The following PCDHGA9 variants were observed in gnomAD, a reference collection of about 807,000 sequenced individuals.
PCDHGA9 encodes the protein protocadherin gamma-A9.
A neutral mutation model predicts 62.5 loss-of-function variants in PCDHGA9; 37 were observed. The ratio of observed to expected loss-of-function variants is 0.59; its 90% CI spans 0.46 to 0.78. PCDHGA9 has a LOEUF of 0.78. Ranked by LOEUF, PCDHGA9 falls within the 30% of genes least tolerant of loss-of-function variation. The probability of loss-of-function intolerance (pLI) is 0.00; values close to 1 mark genes in which losing one functional copy is unlikely to be tolerated. For synonymous variants in PCDHGA9, 459 were observed against 484.6 expected (o/e 0.95, Z 0.69); for missense variants, 1,138 against 1,166.2 (o/e 0.98, Z 0.35).
chr5:141,459,613 C>A (rs1040874685), intron 1 of PCDHGA9, among the ~76,000 whole-genome samples: 1 of 152,188 alleles, frequency 6.6e-6, no homozygotes, highest in African/African-American at 2.4e-5. Context: ...ATATGCTTAA[C>A]TTTATAAGAA....
In PCDHGA9 at chr5:141,459,352, C is replaced by T. The variant is rs111826527; in HGVS notation, c.2425-35455C>T. On this transcript the variant is annotated intron_variant, in intron 1 of 3. Coordinates refer to ENST00000573521, the MANE Select transcript of PCDHGA9 (RefSeq NM_018921.3). Reference sequence around the variant, plus strand: ...TACTCCAAAGTTCTTGAAATTCATTCATGTTCCTGTGTGTATCAGCAGCGT... The same window carrying T: ...TACTCCAAAGTTCTTGAAATTCATTTATGTTCCTGTGTGTATCAGCAGCGT... 1.4e-4 allele frequency among the ~76,000 whole-genome samples: 21 copies of T among 152,304 alleles called. No homozygotes were observed. The East Asian group carries it at 3.7e-3, about 27-fold the overall frequency.
Position 141,404,894 on chromosome 5 carries a change from G to C in PCDHGA9, c.1942G>C (p.Asp648His), listed in dbSNP as rs772084097. Residue 648 changes from aspartate (D) to histidine (H), a missense_variant, in exon 1 of 4, where the codon GAC (aspartate) becomes CAC (histidine). By Grantham distance (81) the Asp-to-His change is moderately conservative. Coordinates refer to ENST00000573521, the MANE Select transcript of PCDHGA9 (RefSeq NM_018921.3). ...LKQSLVVAVQ[D>H]HGQPPLSATV... ...ACAGAGCCTTGTGGTGGCTGTACAG[G>C]ACCATGGCCAGCCCCCTCTCTCGGC... 1 of 1,613,878 alleles carries C rather than the reference G, an allele frequency of 6.2e-7. No individual in the cohort carries two copies. The highest frequency in any genetic ancestry group is 1.1e-5 in the South Asian group (1 of 91,084).
At chr5:141,504,303 G>A (rs1157625808) in intron 2 of PCDHGA9, among the ~76,000 whole-genome samples, 4 of 151,938 alleles carry the variant, frequency 2.6e-5, no homozygotes, top group Admixed American at 2.6e-4. Context: ...TTCAACACTC[G>A]GAGTTTCTAA....
rs201006002 is a variant in PCDHGA9, at chr5:141,432,497, C to G, written c.2424+27121C>G. Reference sequence around the variant, plus strand: ...TTCCACTGGCGTGGAGCTGGCTCCCCGCTCCGCAGAGCCCGGCTACCTGGT... The same window carrying G: ...TTCCACTGGCGTGGAGCTGGCTCCCGGCTCCGCAGAGCCCGGCTACCTGGT... On this transcript the variant is annotated intron_variant, in intron 1 of 3. Transcript: ENST00000573521. This position sits in a 1 kb window ranked among gnomAD's most constrained non-coding sequence, Gnocchi z 6.0. The G allele has an allele frequency of 1.1e-5, 18 of 1,614,182 alleles. No homozygotes were observed. In the East Asian group the frequency reaches 4.0e-4, roughly 36 times the overall value.
intron 1 of PCDHGA9, among the ~76,000 whole-genome samples, chr5:141,481,250 C>A (rs1160186962): frequency 2.6e-5 from 4 of 152,144 alleles, no homozygotes; most frequent in Non-Finnish European, 5.9e-5. Context: ...TAGCATAGCT[C>A]TAAAAGATCA....
At position 141,477,626 on chromosome 5, in the gene PCDHGA9, G is replaced by A. The variant is rs201987467; in HGVS notation, c.2425-17181G>A. The A allele has an allele frequency of 1.9e-5, 31 of 1,614,052 alleles. No individual in the cohort carries two copies. The highest frequency in any genetic ancestry group is 2.5e-5 in the Non-Finnish European group (30 of 1,180,044). Reference sequence around the variant, plus strand: ...TCTCTTGGAGCAAGGAGCTGAAACCGGGCTAGTGGGTCGCTATTTCACAAT... The same window carrying A: ...TCTCTTGGAGCAAGGAGCTGAAACCAGGCTAGTGGGTCGCTATTTCACAAT... On this transcript the variant is annotated intron_variant, in intron 1 of 3. Transcript: ENST00000573521. This position sits in a 1 kb window ranked among gnomAD's most constrained non-coding sequence, Gnocchi z 4.9.
rs773174763 is a variant in PCDHGA9 at position 141,477,409 on chromosome 5, C to T, written c.2425-17398C>T. The T allele has an allele frequency of 1.4e-5, 22 of 1,614,058 alleles. No homozygotes were observed. The highest frequency in any genetic ancestry group is 1.7e-5 in the Admixed American group (1 of 60,006). On this transcript the variant is annotated intron_variant, in intron 1 of 3. Transcript: ENST00000573521. This position sits in a 1 kb window ranked among gnomAD's most constrained non-coding sequence, Gnocchi z 4.9. ...ACAACCTCAGCATCACCGCCCGAGA[C>T]GCCGGAACCCCTTCCCTCTCAGCCC...
At chr5:141,414,312 C>T in intron 1 of PCDHGA9, 1 of 1,613,724 alleles carries the variant, frequency 6.2e-7, no homozygotes, top group South Asian at 1.1e-5. Context: ...ATGATTTAGA[C>T]TCTGAGCAGA....
chr5:141,451,806 A>G (rs145650418), intron 1 of PCDHGA9, among the ~76,000 whole-genome samples: 6,855 of 150,824 alleles, frequency 0.045, 259 homozygotes, highest in African/African-American at 0.1. Context: ...GCTTGAACCC[A>G]GGAGGCGGAG....
chr5:141,497,187 G>T (rs1475463841), intron 2 of PCDHGA9, among the ~76,000 whole-genome samples: 2 of 139,586 alleles, frequency 1.4e-5, no homozygotes, highest in Non-Finnish European at 3.0e-5. Flanking sequence ...GTTCTGAGAG[G>T]CAGAGAACAA....
Position 141,405,320 on chromosome 5 carries a change from C to G in PCDHGA9, c.2368C>G (p.Pro790Ala). The change falls in exon 1 of 4, where the codon CCT (proline) becomes GCT (alanine). Residue 790 changes from proline (P) to alanine (A), a missense_variant. Pro to Ala is a conservative substitution (Grantham distance 27). Coordinates refer to ENST00000573521, the MANE Select transcript of PCDHGA9 (RefSeq NM_018921.3). ...ISQQSCEKNE[P>A]LCVSVDSKFP... ...CCAGCAGAGCTGTGAGAAAAATGAGCCTTTGTGCGTCTCTGTTGATTCCAA... is the reference window on the plus strand; with the variant it reads ...CCAGCAGAGCTGTGAGAAAAATGAGGCTTTGTGCGTCTCTGTTGATTCCAA... 1 of 1,614,188 alleles carries G rather than the reference C, an allele frequency of 6.2e-7. No homozygotes were observed. The highest frequency in any genetic ancestry group is 8.5e-7 in the Non-Finnish European group (1 of 1,179,998).
At chr5:141,437,741 CTT>C (rs35124340) in intron 1 of PCDHGA9, among the ~76,000 whole-genome samples, 17 of 141,612 alleles carry the variant, frequency 1.2e-4, no homozygotes, top group Admixed American at 2.1e-4. Flanking sequence ...TTGAGTTCAC[CTT>C]TTTTTTTTTT....
intron 1 of PCDHGA9, among the ~76,000 whole-genome samples, chr5:141,434,409 T>G (rs2097692930): frequency 6.6e-6 from 1 of 152,232 alleles, no homozygotes; most frequent in South Asian, 2.1e-4. Context: ...TCTGCAGCAC[T>G]GTGACATGTT....
At chr5:141,473,501 G>A (rs1053399138) in intron 1 of PCDHGA9, among the ~76,000 whole-genome samples, 2 of 152,188 alleles carry the variant, frequency 1.3e-5, no homozygotes, top group South Asian at 4.1e-4. Context: ...GGTGTTCTGA[G>A]AGAGCATAAC....
intron 3 of PCDHGA9, among the ~76,000 whole-genome samples, chr5:141,510,092 T>C (rs973542449): frequency 6.6e-6 from 1 of 152,138 alleles, no homozygotes; most frequent in South Asian, 2.1e-4. Flanking sequence ...TGGCACACAG[T>C]AGGTGCTCAA....
chr5:141,402,930 G>A lies in PCDHGA9; in HGVS notation c.-23G>A, dbSNP rs1260331134. ...GCAGCGCGCACAGAGATCCTTTTGA[G>A]AAAATTCCAAAGCGAGGCAGCAATG... On this transcript the variant is annotated 5_prime_UTR_variant, in exon 1 of 4. Coordinates refer to ENST00000573521, the MANE Select transcript of PCDHGA9 (RefSeq NM_018921.3). 1 of 1,584,094 alleles carries A rather than the reference G, an allele frequency of 6.3e-7. No individual in the cohort carries two copies. The highest frequency in any genetic ancestry group is 8.6e-7 in the Non-Finnish European group (1 of 1,164,514).
chr5:141,431,397 C>A lies in PCDHGA9; in HGVS notation c.2424+26021C>A. ...AAGGCTGCTCACCACCTGGTCCTTA[C>A]GGCCTCCGACGGGGGCGACCCGGTG... On this transcript the variant is annotated intron_variant, in intron 1 of 3. Coordinates refer to ENST00000573521, the MANE Select transcript of PCDHGA9 (RefSeq NM_018921.3). The surrounding 1 kb of genome is among the most constrained non-coding windows in gnomAD (Gnocchi z 4.8). 3.1e-6 allele frequency: 5 copies of A among 1,613,782 alleles called. No individual in the cohort carries two copies. Among genetic ancestry groups the A allele is most frequent in the Non-Finnish European group, 4.2e-6 (5 of 1,180,034 alleles).
In PCDHGA9 at chr5:141,490,770, C is replaced by T. The variant is rs774014462; in HGVS notation, c.2425-4037C>T. 1.2e-6 allele frequency: 2 copies of T among 1,614,120 alleles called. No individual in the cohort carries two copies. Among genetic ancestry groups the T allele is most frequent in the Non-Finnish European group, 8.5e-7 (1 of 1,179,968 alleles). ...CAGCCTCCTCCTTTGTGTATGTCAA[C>T]CCAGAGGATGGACGGATCTTTGCCC... On this transcript the variant is annotated intron_variant, in intron 1 of 3. Transcript: ENST00000573521. The surrounding 1 kb of genome is among the most constrained non-coding windows in gnomAD (Gnocchi z 5.4).
intron 1 of PCDHGA9, chr5:141,423,184 C>T (rs747938944): frequency 9.3e-6 from 15 of 1,613,442 alleles, no homozygotes; most frequent in Non-Finnish European, 1.2e-5. Context: ...CCACGGCCAG[C>T]CCCCTCTCTC....
Sources: allele counts gnomAD v4.1 joint callset (sites outside exome capture counted in the v4.1 genomes callset), GRCh38; gene constraint gnomAD v4.1.1; non-coding constraint Gnocchi (gnomAD v3.1); transcripts MANE v1.5; gene names NCBI Gene and HGNC (gene_info 2026-07-23, HGNC 2026-07-21).